The following GRID2 variants were observed in gnomAD, a reference collection of about 807,000 sequenced individuals.
GRID2 encodes the protein glutamate ionotropic receptor delta type subunit 2.
In GRID2, 33 loss-of-function variants were observed where a neutral mutation model predicts 114.8. That is an observed-to-expected ratio of 0.29 (90% CI 0.22 to 0.38). GRID2 has a LOEUF of 0.38. Among genes scored for constraint, GRID2 ranks in the 10% least tolerant of loss-of-function variants. The pLI, the probability that GRID2 is intolerant of heterozygous loss-of-function variation, is 1.00. For synonymous variants in GRID2, 505 were observed against 449.9 expected, an observed-to-expected ratio of 1.12 and a Z score of -1.55; for missense variants, 1,184 against 1,257.7, an observed-to-expected ratio of 0.94 and a Z score of 0.89.
intron 14 of GRID2, among the ~76,000 whole-genome samples, chr4:93,738,043 T>A (rs1345564806): frequency 6.6e-6 from 1 of 152,132 alleles, no homozygotes; most frequent in Non-Finnish European, 1.5e-5. Flanking sequence ...ATATGTTAAT[T>A]CCAGGTGAAA....
chr4:93,261,632 A>G (rs1340422718), intron 8 of GRID2, among the ~76,000 whole-genome samples: 3 of 151,800 alleles, frequency 2.0e-5, no homozygotes, highest in African/African-American at 7.2e-5. Context: ...AAACTGATAT[A>G]ATAGATTGAA....
chr4:92,581,910 A>G (rs1170011783), intron 1 of GRID2, among the ~76,000 whole-genome samples: 3 of 152,082 alleles, frequency 2.0e-5, no homozygotes, highest in African/African-American at 4.8e-5. Context: ...TTTCTACACT[A>G]TATCATAACT....
chr4:92,802,494 A>G (rs937719583), intron 2 of GRID2, among the ~76,000 whole-genome samples: 1 of 151,782 alleles, frequency 6.6e-6, no homozygotes, highest in East Asian at 1.9e-4. Context: ...TACTTTTTGC[A>G]TTAAAATCTA....
At chr4:93,339,456 G>T (rs1004816104) in intron 8 of GRID2, among the ~76,000 whole-genome samples, 1 of 152,086 alleles carries the variant, frequency 6.6e-6, no homozygotes, top group African/African-American at 2.4e-5. Flanking sequence ...GAATGCCAAA[G>T]TTTGCCAGCC....
intron 2 of GRID2, among the ~76,000 whole-genome samples, chr4:92,872,460 GT>G (rs1745343360): frequency 6.6e-6 from 1 of 151,836 alleles, no homozygotes; most frequent in Non-Finnish European, 1.5e-5. Context: ...AAGGAGAAAT[GT>G]TTTTATTCTA....
chr4:93,301,632 C>T (rs1754878736), intron 8 of GRID2, among the ~76,000 whole-genome samples: 1 of 152,076 alleles, frequency 6.6e-6, no homozygotes, highest in Middle Eastern at 3.2e-3. Context: ...TTTGAAGATT[C>T]CATTTTGTGG....
chr4:92,434,796 A>G (rs1265861455), intron 1 of GRID2, among the ~76,000 whole-genome samples: 1 of 152,150 alleles, frequency 6.6e-6, no homozygotes, highest in Non-Finnish European at 1.5e-5. Flanking sequence ...ATATAATTTG[A>G]TAGGTCTCTC....
intron 2 of GRID2, among the ~76,000 whole-genome samples, chr4:93,006,778 G>A (rs145168875): frequency 0.01 from 1,531 of 150,638 alleles, 10 homozygotes; most frequent in Non-Finnish European, 0.015. Context: ...GAAAACCTTA[G>A]TACCTCAAAA....
At chr4:93,711,344 G>T (rs886286087) in intron 14 of GRID2, among the ~76,000 whole-genome samples, 1 of 152,104 alleles carries the variant, frequency 6.6e-6, no homozygotes, top group Non-Finnish European at 1.5e-5. Context: ...TTCCCTTCTG[G>T]CTCAGGGTAT....
At chr4:93,471,803 T>C (rs1455730000) in intron 11 of GRID2, among the ~76,000 whole-genome samples, 3 of 145,830 alleles carry the variant, frequency 2.1e-5, no homozygotes, top group Non-Finnish European at 3.0e-5. Flanking sequence ...TGGGTTCAAG[T>C]GATTCTCCTT....
At chr4:93,587,898 C>T (rs1361527587) in intron 13 of GRID2, among the ~76,000 whole-genome samples, 1 of 151,978 alleles carries the variant, frequency 6.6e-6, no homozygotes, top group Non-Finnish European at 1.5e-5. Flanking sequence ...AAACATTTTG[C>T]ATATTATTAA....
At chr4:92,790,308 T>C (rs1739520626) in intron 2 of GRID2, among the ~76,000 whole-genome samples, 1 of 151,820 alleles carries the variant, frequency 6.6e-6, no homozygotes, top group Non-Finnish European at 1.5e-5. Context: ...TTTTTAAAAC[T>C]TTTTCCTAAC....
At chr4:93,628,660 A>G (rs1391740514) in intron 14 of GRID2, among the ~76,000 whole-genome samples, 1 of 152,230 alleles carries the variant, frequency 6.6e-6, no homozygotes, top group Admixed American at 6.5e-5. Flanking sequence ...TGCATGCTTA[A>G]CATTACAGAG....
At chr4:92,451,316 C>A (rs1045128433) in intron 1 of GRID2, among the ~76,000 whole-genome samples, 1 of 152,046 alleles carries the variant, frequency 6.6e-6, no homozygotes, top group Non-Finnish European at 1.5e-5. Context: ...TTAATTAAAT[C>A]ATCATAATTT....
At chr4:93,544,342 T>A (rs1157698910) in intron 13 of GRID2, among the ~76,000 whole-genome samples, 1 of 152,200 alleles carries the variant, frequency 6.6e-6, no homozygotes, top group African/African-American at 2.4e-5. Context: ...TCTGTATTTA[T>A]GATATGTCCT....
chr4:93,122,373 A>G (rs1394122828), intron 4 of GRID2, among the ~76,000 whole-genome samples: 2 of 152,152 alleles, frequency 1.3e-5, no homozygotes, highest in African/African-American at 4.8e-5. Context: ...AGCTTCCAAT[A>G]CCCATTAATA....
intron 14 of GRID2, among the ~76,000 whole-genome samples, chr4:93,699,114 A>G (rs1432752733): frequency 6.6e-6 from 1 of 152,116 alleles, no homozygotes; most frequent in African/African-American, 2.4e-5. Flanking sequence ...GTTATTTATT[A>G]CTATTGTAAC....
At chr4:93,168,870 C>A (rs922719594) in intron 4 of GRID2, among the ~76,000 whole-genome samples, 6 of 151,958 alleles carry the variant, frequency 3.9e-5, no homozygotes, top group Admixed American at 1.3e-4. Context: ...CATTTGTGCC[C>A]ATGAAACTTG....
chr4:93,015,576 T>G (rs1722602251), intron 2 of GRID2, among the ~76,000 whole-genome samples: 2 of 152,188 alleles, frequency 1.3e-5, no homozygotes, highest in Admixed American at 1.3e-4. Context: ...ATGAAAATCA[T>G]GAACAAGGAC....
Sources: gnomAD v4.1 joint callset for allele counts (sites outside exome capture counted in the v4.1 genomes callset) on GRCh38, gnomAD v4.1.1 for gene constraint, MANE v1.5 for transcripts, NCBI Gene and HGNC (gene_info 2026-07-23, HGNC 2026-07-21) for gene names.